TNK2: variants seen among roughly 807,000 people sequenced by gnomAD.
The protein encoded by TNK2 is tyrosine kinase non receptor 2.
A neutral mutation model predicts 101.8 loss-of-function variants in TNK2; 83 were observed. The observed-to-expected ratio is 0.82, with a 90% CI of 0.68 to 0.98. The LOEUF is 0.98. Among genes scored for constraint, TNK2 ranks in the 50% least tolerant of loss-of-function variants. The pLI, the probability that TNK2 is intolerant of heterozygous loss-of-function variation, is 0.00. For missense variants in TNK2, 1,665 were observed against 1,483.2 expected, an observed-to-expected ratio of 1.12 and a Z score of -2.01; for synonymous variants, 804 against 633.0, an observed-to-expected ratio of 1.27 and a Z score of -4.06.
At chr3:195,905,543 G>A (rs929208297) in intron 1 of TNK2, among the ~76,000 whole-genome samples, 9 of 152,000 alleles carry the variant, frequency 5.9e-5, no homozygotes, top group Non-Finnish European at 1.3e-4. Flanking sequence ...TCAGTGGAGA[G>A]ATACATCTTT....
chr3:195,908,318 G>C (rs1761961770), intron 1 of TNK2, 167 bp downstream of exon 1: 1 of 152,696 alleles, frequency 6.5e-6, no homozygotes, highest in African/African-American at 2.4e-5. Context: ...CACAGTACTG[G>C]CGGGGGAGAG....
chr3:195,888,255 C>T lies in TNK2; in HGVS notation c.163+171G>A, dbSNP rs902703844. On this transcript the variant is annotated intron_variant, in intron 2 of 15. Coordinates refer to ENST00000672887, the MANE Select transcript of TNK2 (RefSeq NM_001382273.1). The surrounding 1 kb of genome is among the most constrained non-coding windows in gnomAD (Gnocchi z 5.3). ...TCACTCTCCTCAAACTCCAATTCAC[C>T]TTTATAACTGCCAACTGTTCTCATC... Among the ~76,000 whole-genome samples the T allele has an allele frequency of 1.3e-5, 2 of 152,152 alleles. No individual in the cohort carries two copies. Among genetic ancestry groups the T allele is most frequent in the African/African-American group, 4.8e-5 (2 of 41,434 alleles).
chr3:195,883,427 G>A (rs1480182820), intron 4 of TNK2, 118 bp from the exon 5 acceptor site: 4 of 1,274,702 alleles, frequency 3.1e-6, no homozygotes, highest in Non-Finnish European at 3.3e-6. Flanking sequence ...CCTCATCTGG[G>A]TGGGTAAGCA....
rs554963613 is a variant in TNK2 at position 195,891,874 on chromosome 3, C to T, written c.-18-3268G>A. On this transcript the variant is annotated intron_variant, in intron 1 of 15. Coordinates refer to ENST00000672887, the MANE Select transcript of TNK2 (RefSeq NM_001382273.1). The stretch of plus-strand genomic sequence containing the variant: ...CTGAAGCTCTTCAGAAAGCACAGCC[C>T]GGCCTGTTCCCTCTCCCTGAAACAC... The T allele has an allele frequency of 1.0e-4, 101 of 975,174 alleles. No individual in the cohort carries two copies. The South Asian group carries it at 3.1e-3, about 30-fold the overall frequency. The allele number at this position is 975,174 out of a possible 1,614,324, so 60.4% of individuals were successfully genotyped here.
Position 195,869,060 on chromosome 3 carries a change from C to T in TNK2, c.1589-351G>A, listed in dbSNP as rs534019125. On this transcript the variant is annotated intron_variant, in intron 12 of 15. Transcript: ENST00000672887. ...CCTGGCGAGTTAGTGAGCCCTCATC[C>T]CCGCCCCTGTCACGGCACACCATTA... The T allele has an allele frequency of 1.4e-4, 65 of 467,092 alleles. No individual in the cohort carries two copies. The South Asian group carries it at 1.9e-3, about 14-fold the overall frequency. The allele number at this position is 467,092 out of a possible 1,614,324, so 28.9% of individuals were successfully genotyped here.
At chr3:195,891,811 G>T in intron 1 of TNK2, 1 of 518,158 alleles carries the variant, frequency 1.9e-6, no homozygotes, top group Non-Finnish European at 2.5e-6. Context: ...GCCATGCCCG[G>T]GGTGGTCAGG....
chr3:195,872,575 C>CA, intron 9 of TNK2, 105 bp from the exon 10 acceptor site: 1 of 1,220,596 alleles, frequency 8.2e-7, no homozygotes, highest in Non-Finnish European at 1.1e-6. Flanking sequence ...GGATGGAGCT[C>CA]AGGCCTCAGG....
chr3:195,879,714 G>C (rs1008865810), intron 6 of TNK2, among the ~76,000 whole-genome samples: 6 of 152,150 alleles, frequency 3.9e-5, no homozygotes. Flanking sequence ...AGGTCAGAAA[G>C]GACATCCCGG....
At position 195,879,119 on chromosome 3, in the gene TNK2, A is replaced by C. The variant is rs1751030103; in HGVS notation, c.944T>G (p.Met315Arg). Residue 315 changes from methionine (M) to arginine (R), a missense_variant, in exon 7 of 16, where the codon ATG (methionine) becomes AGG (arginine). Met to Arg is a moderately conservative substitution (Grantham distance 91). Coordinates refer to ENST00000672887, the MANE Select transcript of TNK2 (RefSeq NM_001382273.1). ...CATTTCCCACAGTGTCACCCCGAAC[A>C]TCCAGGTGTCGCTGGCATGGGAGAA... The part of the protein sequence containing the change: ...RTFSHASDTW[M>R]FGVTLWEMFT... The C allele has an allele frequency of 6.2e-7, 1 of 1,613,630 alleles. No individual in the cohort carries two copies.
intron 15 of TNK2, among the ~76,000 whole-genome samples, chr3:195,865,637 G>A (rs897172907): frequency 4.8e-5 from 7 of 146,962 alleles, no homozygotes; most frequent in Admixed American, 3.4e-4. Flanking sequence ...AGAACCACCC[G>A]AGACAATGAC....
At position 195,867,992 on chromosome 3, in the gene TNK2, A is replaced by ACGTGTGGG; in HGVS notation, c.2298_2305dup (p.Val769AlafsTer82). 1.9e-6 allele frequency: 3 copies of ACGTGTGGG among 1,560,744 alleles called. No homozygotes were observed. The highest frequency in any genetic ancestry group is 2.6e-6 in the Non-Finnish European group (3 of 1,162,914). On this transcript the variant is annotated frameshift_variant, in exon 13 of 16. Coordinates refer to ENST00000672887, the MANE Select transcript of TNK2 (RefSeq NM_001382273.1). LOFTEE classifies it high-confidence loss of function. Reference sequence around the variant, plus strand: ...GCCCGGGGGGGCTGGAGACAGCTGGACGTGTGGGCGCGTGGGCCGAGGGGG... The same window carrying ACGTGTGGG: ...GCCCGGGGGGGCTGGAGACAGCTGGACGTGTGGGCGTGTGGGCGCGTGGGCCGAGGGGG...
intron 15 of TNK2, 142 bp downstream of exon 15, chr3:195,866,747 G>T: frequency 8.0e-7 from 1 of 1,242,744 alleles, no homozygotes; most frequent in Non-Finnish European, 1.1e-6. Flanking sequence ...TGGGCCCTGT[G>T]AGCGCCTCCC....
intron 10 of TNK2, chr3:195,870,498 C>T (rs956438068): frequency 3.1e-6 from 3 of 968,242 alleles, no homozygotes; most frequent in Non-Finnish European, 4.2e-6. Flanking sequence ...GGCCCCCAGC[C>T]CACACCAGGC....
In TNK2 at chr3:195,867,000, C is replaced by T; in HGVS notation, c.3050G>A (p.Gly1017Glu). 6.2e-7 allele frequency: 1 copy of T among 1,613,194 alleles called. No individual in the cohort carries two copies. The highest frequency in any genetic ancestry group is 2.2e-5 in the East Asian group (1 of 44,868). ...CTCCCCTCTGGGCCGCAGACCCAGCCCGAAGAGCTGCTCCACCTGGGGGTA... is the reference window on the plus strand; with the variant it reads ...CTCCCCTCTGGGCCGCAGACCCAGCTCGAAGAGCTGCTCCACCTGGGGGTA... ...AQYLKVEQLF[G>E]LGLRPRGECH... Residue 1017 changes from glycine to glutamate, a missense_variant, in exon 15 of 16, where the codon GGG becomes GAG. This residue lies in a region of TNK2 where 1,136 missense variants were observed against 894.9 expected (regional missense o/e 1.27). Coordinates refer to ENST00000672887, the MANE Select transcript of TNK2 (RefSeq NM_001382273.1).
intron 1 of TNK2, among the ~76,000 whole-genome samples, chr3:195,893,886 G>A (rs1294483402): frequency 6.6e-6 from 1 of 152,144 alleles, no homozygotes; most frequent in African/African-American, 2.4e-5. Flanking sequence ...CCCAGCACTT[G>A]ACCTCCCTGA....
At position 195,867,823 on chromosome 3, in the gene TNK2, T is replaced by A. The variant is rs771943789; in HGVS notation, c.2475A>T (p.Ser825=). Reference sequence around the variant, plus strand: ...GGGTGGTGGGCATGGTCTTCCCAGGTGAGCTTGAGAGCCGGGGTGGCAGCG... The same window carrying A: ...GGGTGGTGGGCATGGTCTTCCCAGGAGAGCTTGAGAGCCGGGGTGGCAGCG... The part of the protein sequence containing the change: ...SSPLPPRLSS[S]PGKTMPTTQS... Residue 825 remains serine (S), a synonymous_variant, in exon 13 of 16, where the codon TCA becomes TCT. Transcript: ENST00000672887. 6.5e-7 allele frequency: 1 copy of A among 1,544,614 alleles called. No homozygotes were observed. Among genetic ancestry groups the A allele is most frequent in the East Asian group, 2.3e-5 (1 of 44,102 alleles).
chr3:195,907,991 T>G (rs1450995925), intron 1 of TNK2: 1 of 152,294 alleles, frequency 6.6e-6, no homozygotes, highest in Non-Finnish European at 1.5e-5. Flanking sequence ...GCTCGTGCCG[T>G]ACCCAAGCCA....
intron 1 of TNK2, chr3:195,892,733 C>A: frequency 7.3e-7 from 1 of 1,363,586 alleles, no homozygotes; most frequent in Non-Finnish European, 9.5e-7. Flanking sequence ...TCTGTCTTCT[C>A]TCCAGGGCAG....
At chr3:195,896,681 C>G (rs1360966653) in intron 1 of TNK2, 2 of 154,466 alleles carry the variant, frequency 1.3e-5, no homozygotes, top group Non-Finnish European at 2.9e-5. Flanking sequence ...CTCACCTCCC[C>G]CTGTAAATCT....
Sources: gnomAD v4.1 joint callset for allele counts (sites outside exome capture counted in the v4.1 genomes callset) on GRCh38, gnomAD v4.1.1 for gene constraint, gnomAD v4.1.1 regional missense constraint, Gnocchi (gnomAD v3.1) non-coding constraint, MANE v1.5 for transcripts, NCBI Gene and HGNC (gene_info 2026-07-23, HGNC 2026-07-21) for gene names.